Variants in TGM6 observed in about 807,000 individuals in gnomAD.
TGM6 encodes the protein protein-glutamine gamma-glutamyltransferase 6.
A neutral mutation model predicts 77.5 loss-of-function variants in TGM6; 74 were observed. The ratio of observed to expected loss-of-function variants is 0.96; its 90% CI spans 0.79 to 1.16. The LOEUF (loss-of-function observed/expected upper bound fraction) is 1.16. Among genes scored for constraint, TGM6 ranks in the 50% most tolerant of loss-of-function variants. The pLI, the probability that TGM6 is intolerant of heterozygous loss-of-function variation, is 0.00. For synonymous variants in TGM6, 383 were observed against 378.9 expected, an observed-to-expected ratio of 1.01 and a Z score of -0.12; for missense variants, 968 against 940.2, an observed-to-expected ratio of 1.03 and a Z score of -0.39.
chr20:2,418,809 G>A (rs2084835662), intron 10 of TGM6, among the ~76,000 whole-genome samples: 2 of 152,072 alleles, frequency 1.3e-5, no homozygotes, highest in Admixed American at 6.5e-5. Context: ...GGGCGCGGTG[G>A]CTCACGCCTG....
At chr20:2,405,685 T>C (rs185507512) in intron 9 of TGM6, among the ~76,000 whole-genome samples, 1 of 152,338 alleles carries the variant, frequency 6.6e-6, no homozygotes, top group East Asian at 1.9e-4. Flanking sequence ...GCTGATTTCT[T>C]GTGCTATTTG....
intron 1 of TGM6, among the ~76,000 whole-genome samples, chr20:2,392,635 AG>A (rs748063169): frequency 1.3e-5 from 2 of 152,222 alleles, no homozygotes; most frequent in Non-Finnish European, 2.9e-5. Context: ...AAGGCGGGCC[AG>A]GAACAGTGGT....
chr20:2,429,343 T>C (rs926686666), intron 10 of TGM6, among the ~76,000 whole-genome samples: 4 of 151,600 alleles, frequency 2.6e-5, no homozygotes, highest in African/African-American at 9.7e-5. Context: ...TCAGATGCCT[T>C]CAGAGTCAGA....
chr20:2,388,926 T>C (rs533560258), intron 1 of TGM6, among the ~76,000 whole-genome samples: 182 of 152,324 alleles, frequency 1.2e-3, no homozygotes, highest in African/African-American at 4.2e-3. Context: ...TTCTCAACTG[T>C]GGCAGATTAT....
intron 10 of TGM6, among the ~76,000 whole-genome samples, chr20:2,424,540 G>A (rs1287039126): frequency 6.6e-6 from 1 of 152,206 alleles, no homozygotes; most frequent in Non-Finnish European, 1.5e-5. Flanking sequence ...TTGGCTTAAT[G>A]GAATGTTATG....
At chr20:2,387,644 T>C (rs1416596718) in intron 1 of TGM6, among the ~76,000 whole-genome samples, 4 of 152,278 alleles carry the variant, frequency 2.6e-5, no homozygotes, top group South Asian at 2.1e-4. Flanking sequence ...TGGAGAGCAG[T>C]TGGGAGGTTG....
chr20:2,419,308 G>A (rs2084840698), intron 10 of TGM6, among the ~76,000 whole-genome samples: 1 of 152,092 alleles, frequency 6.6e-6, no homozygotes, highest in Non-Finnish European at 1.5e-5. Flanking sequence ...CAAAGAAATT[G>A]TTGCTCTGGG....
At chr20:2,391,803 G>C (rs1372312804) in intron 1 of TGM6, among the ~76,000 whole-genome samples, 1 of 152,100 alleles carries the variant, frequency 6.6e-6, no homozygotes, top group Non-Finnish European at 1.5e-5. Context: ...TAGGATAAAA[G>C]GCAGACTCTT....
At chr20:2,382,928 T>G (rs1046083116) in intron 1 of TGM6, among the ~76,000 whole-genome samples, 1 of 152,166 alleles carries the variant, frequency 6.6e-6, no homozygotes, top group African/African-American at 2.4e-5. Flanking sequence ...TTTGCCATGA[T>G]TAAATTACAA....
chr20:2,405,493 G>A (rs572267330), intron 9 of TGM6, among the ~76,000 whole-genome samples: 1 of 152,332 alleles, frequency 6.6e-6, no homozygotes. Flanking sequence ...TAGGCTAAGA[G>A]GGAGGCAAAG....
In TGM6 at chr20:2,394,483, G is replaced by T. The variant is rs778193392; in HGVS notation, c.39G>T (p.Arg13=). 2 of 1,611,624 alleles carry T rather than the reference G, an allele frequency of 1.2e-6. No homozygotes were observed. The highest frequency in any genetic ancestry group is 2.2e-5 in the East Asian group (1 of 44,874). The change falls in exon 2 of 13, where the codon CGG becomes CGT. Residue 13 remains arginine (R), a synonymous_variant. Transcript: ENST00000202625. The stretch of plus-strand genomic sequence containing the variant: ...GAGTCACCAAGGTGGACTGGCAGCG[G>T]TCGAGGAATGGCGCTGCCCACCACA... ...GIRVTKVDWQ[R]SRNGAAHHTQ... is the part of the protein sequence containing the mutation.
At chr20:2,412,269 G>C (rs368913686) in intron 9 of TGM6, among the ~76,000 whole-genome samples, 5 of 152,266 alleles carry the variant, frequency 3.3e-5, no homozygotes, top group African/African-American at 1.2e-4. Context: ...TTATATCTAT[G>C]AAGTACCTAG....
At position 2,419,137 on chromosome 20, in the gene TGM6, C is replaced by T. The variant is rs1403118240; in HGVS notation, c.1678+1564C>T. Among the ~76,000 whole-genome samples, 5 of 152,286 alleles carry T rather than the reference C, an allele frequency of 3.3e-5. No homozygotes were observed. In the East Asian group the frequency reaches 7.7e-4, roughly 23 times the overall value. On this transcript the variant is annotated intron_variant, in intron 10 of 12. Transcript: ENST00000202625. The stretch of plus-strand genomic sequence containing the variant: ...TCTGTCTGTCTTTTTGCCGGTATCT[C>T]CCTCTCCATCTGTCTCTCCTTCCCT...
chr20:2,406,492 C>A (rs79324306), intron 9 of TGM6, among the ~76,000 whole-genome samples: 119 of 131,000 alleles, frequency 9.1e-4, no homozygotes, highest in African/African-American at 1.1e-3. Context: ...GACCCTGTCT[C>A]AAAAAAAAAA....
chr20:2,414,753 A>G (rs2084803834), intron 9 of TGM6, among the ~76,000 whole-genome samples: 1 of 152,240 alleles, frequency 6.6e-6, no homozygotes, highest in African/African-American at 2.4e-5. Flanking sequence ...TGCTACCTAC[A>G]GTGTGAACGA....
intron 10 of TGM6, among the ~76,000 whole-genome samples, chr20:2,425,880 T>C (rs1340519367): frequency 6.6e-6 from 1 of 152,232 alleles, no homozygotes; most frequent in African/African-American, 2.4e-5. Flanking sequence ...CAATTTATTC[T>C]AGCTATTTAG....
At position 2,411,499 on chromosome 20, in the gene TGM6, T is replaced by G. The variant is rs535505304; in HGVS notation, c.1337-5733T>G. Among the ~76,000 whole-genome samples the G allele has an allele frequency of 3.3e-5, 5 of 152,046 alleles. No homozygotes were observed. The East Asian group carries it at 7.7e-4, about 23-fold the overall frequency. On this transcript the variant is annotated intron_variant, in intron 9 of 12. Coordinates refer to ENST00000202625, the MANE Select transcript of TGM6 (RefSeq NM_198994.3). ...AAATTAAGAATAGAAGTAAACTTCC[T>G]CAGTCTGATAAGTCACCTATAAAAA... is the stretch of plus-strand genomic sequence containing the variant.
intron 9 of TGM6, among the ~76,000 whole-genome samples, chr20:2,405,889 T>A (rs769832863): frequency 2.0e-5 from 3 of 152,150 alleles, no homozygotes; most frequent in Non-Finnish European, 4.4e-5. Flanking sequence ...CTCCCTTCAA[T>A]TCTCTTCTCC....
At chr20:2,384,763 G>A (rs1487872212) in intron 1 of TGM6, among the ~76,000 whole-genome samples, 1 of 152,216 alleles carries the variant, frequency 6.6e-6, no homozygotes, top group Non-Finnish European at 1.5e-5. Flanking sequence ...AGAGGGAGAA[G>A]GGGAGGAGAG....
Sources: gnomAD v4.1 joint callset for allele counts (sites outside exome capture counted in the v4.1 genomes callset) on GRCh38, gnomAD v4.1.1 for gene constraint, MANE v1.5 for transcripts, NCBI Gene and HGNC (gene_info 2026-07-23, HGNC 2026-07-21) for gene names.